Variants in ARID1B observed in about 807,000 individuals in gnomAD.
The protein encoded by ARID1B is AT-rich interactive domain-containing protein 1B.
In ARID1B, 30 loss-of-function variants were observed where a neutral mutation model predicts 212.3. The observed-to-expected ratio is 0.14, with a 90% CI of 0.11 to 0.19. The LOEUF (loss-of-function observed/expected upper bound fraction) is 0.19, where lower values mean the gene tolerates loss of function less well. Ranked by LOEUF, ARID1B falls within the 10% of genes least tolerant of loss-of-function variation. The probability of loss-of-function intolerance (pLI) is 1.00; values close to 1 mark genes in which losing one functional copy is unlikely to be tolerated. For synonymous variants in ARID1B, 1,402 were observed against 1,301.7 expected, an observed-to-expected ratio of 1.08 and a Z score of -1.66; for missense variants, 2,891 against 3,204.0, an observed-to-expected ratio of 0.90 and a Z score of 2.36.
chr6:156,940,944 T>C (rs1368032179), intron 4 of ARID1B: 1 of 152,228 alleles, frequency 6.6e-6, no homozygotes, highest in Non-Finnish European at 1.5e-5. Flanking sequence ...ATTAGGTGTA[T>C]GGCTATTGAA....
intron 2 of ARID1B, among the ~76,000 whole-genome samples, chr6:156,841,388 T>C (rs1297463839): frequency 6.6e-6 from 1 of 152,204 alleles, no homozygotes; most frequent in African/African-American, 2.4e-5. Flanking sequence ...TTAAAAATCA[T>C]CCCTGTGTGC....
At chr6:156,964,005 C>T (rs1184608066) in intron 4 of ARID1B, among the ~76,000 whole-genome samples, 1 of 152,246 alleles carries the variant, frequency 6.6e-6, no homozygotes, top group Non-Finnish European at 1.5e-5. Flanking sequence ...AGAAATTCTT[C>T]TCCACTGCTC....
At chr6:157,047,270 G>A (rs1321022003) in intron 4 of ARID1B, among the ~76,000 whole-genome samples, 1 of 152,192 alleles carries the variant, frequency 6.6e-6, no homozygotes, top group East Asian at 1.9e-4. Flanking sequence ...TGTTTGTGGA[G>A]CTTAACTGAC....
Position 157,039,923 on chromosome 6 carries a change from T to TTTTC in ARID1B, c.2248-44723_2248-44720dup, listed in dbSNP as rs1326417681. 2.7e-3 allele frequency among the ~76,000 whole-genome samples: 322 copies of TTTTC among 120,192 alleles called. 2 individuals carry two copies. Among genetic ancestry groups the TTTTC allele is most frequent in the African/African-American group, 9.5e-3 (301 of 31,814 alleles). The allele number at this position is 120,192 out of a possible 152,430, so 78.9% of individuals were successfully genotyped here. On this transcript the variant is annotated intron_variant, in intron 4 of 19. Coordinates refer to ENST00000636930, the MANE Select transcript of ARID1B (RefSeq NM_001374828.1). ...CCTTCCTTCCTTCCTTCCTTCTTTC[T>TTTTC]TTTCTTTCTTTCTTTCTTTTTTCTG...
At chr6:156,969,824 A>G (rs1023844412) in intron 4 of ARID1B, among the ~76,000 whole-genome samples, 4 of 152,002 alleles carry the variant, frequency 2.6e-5, no homozygotes, top group Admixed American at 1.3e-4. Flanking sequence ...GACACTGTCT[A>G]GTAACTTAGA....
intron 3 of ARID1B, among the ~76,000 whole-genome samples, chr6:156,931,487 C>T (rs577996294): frequency 5.3e-5 from 8 of 152,142 alleles, no homozygotes; most frequent in Admixed American, 3.3e-4. Flanking sequence ...TCAAGTACCT[C>T]GCAAAGGGAA....
intron 4 of ARID1B, among the ~76,000 whole-genome samples, chr6:156,970,227 C>G (rs1249518107): frequency 1.3e-5 from 2 of 151,732 alleles, no homozygotes; most frequent in Non-Finnish European, 2.9e-5. Context: ...ATTACAGGCG[C>G]CCACCACCAT....
chr6:156,987,001 A>G (rs538878730), intron 4 of ARID1B, among the ~76,000 whole-genome samples: 1 of 152,136 alleles, frequency 6.6e-6, no homozygotes, highest in Non-Finnish European at 1.5e-5. Flanking sequence ...CAACATAGCA[A>G]GACCCTCATC....
intron 7 of ARID1B, among the ~76,000 whole-genome samples, chr6:157,134,032 GAT>G (rs1420365085): frequency 6.6e-6 from 1 of 152,166 alleles, no homozygotes. Context: ...GAGAGAATGA[GAT>G]AATCTGGCAC....
intron 3 of ARID1B, among the ~76,000 whole-genome samples, chr6:156,908,051 T>A (rs1789552305): frequency 6.6e-6 from 1 of 152,168 alleles, no homozygotes; most frequent in South Asian, 2.1e-4. Flanking sequence ...TTACCTTTTG[T>A]CTTACCCCTG....
At position 156,933,939 on chromosome 6, in the gene ARID1B, A is replaced by G. The variant is rs150772590; in HGVS notation, c.2137-1527A>G. On this transcript the variant is annotated intron_variant, in intron 3 of 19. Coordinates refer to ENST00000636930, the MANE Select transcript of ARID1B (RefSeq NM_001374828.1). Reference sequence around the variant, plus strand: ...GCTTGTGTACTTGGTGGTACCAGCTATTGCTCCAAAGTTTCCTGGCTTAAG... The same window carrying G: ...GCTTGTGTACTTGGTGGTACCAGCTGTTGCTCCAAAGTTTCCTGGCTTAAG... Among the ~76,000 whole-genome samples, 288 of 152,308 alleles carry G rather than the reference A, an allele frequency of 1.9e-3. 1 individual carries two copies. The highest frequency in any genetic ancestry group is 6.5e-3 in the African/African-American group (270 of 41,566).
intron 3 of ARID1B, among the ~76,000 whole-genome samples, chr6:156,913,277 C>T (rs1344334195): frequency 2.8e-5 from 4 of 145,286 alleles, no homozygotes; most frequent in Admixed American, 7.0e-5. Flanking sequence ...AGTGCAGTGG[C>T]GCGATCTGGG....
At chr6:156,852,138 C>A (rs895285792) in intron 2 of ARID1B, among the ~76,000 whole-genome samples, 6 of 151,898 alleles carry the variant, frequency 4.0e-5, no homozygotes, top group African/African-American at 1.5e-4. Context: ...GTGTTTAAGT[C>A]TCTTTTGACT....
intron 1 of ARID1B, among the ~76,000 whole-genome samples, chr6:156,809,328 G>A (rs931130972): frequency 5.3e-5 from 8 of 152,128 alleles, no homozygotes; most frequent in Admixed American, 5.2e-4. Flanking sequence ...ATGGGATATT[G>A]ACATTTTACG....
chr6:157,090,640 T>C lies in ARID1B; in HGVS notation c.2491+5735T>C, dbSNP rs114224699. Among the ~76,000 whole-genome samples, 193 of 152,376 alleles carry C rather than the reference T, an allele frequency of 1.3e-3. 1 individual carries two copies. Among genetic ancestry groups the C allele is most frequent in the African/African-American group, 4.3e-3 (180 of 41,596 alleles). On this transcript the variant is annotated intron_variant, in intron 5 of 19. Coordinates refer to ENST00000636930, the MANE Select transcript of ARID1B (RefSeq NM_001374828.1). Reference sequence around the variant, plus strand: ...TAGACAGAAACAAAATAGAGTTGCATCAAATATGAAAGTAGAACCCTTTTT... The same window carrying C: ...TAGACAGAAACAAAATAGAGTTGCACCAAATATGAAAGTAGAACCCTTTTT...
intron 1 of ARID1B, among the ~76,000 whole-genome samples, chr6:156,824,928 G>A (rs1207191574): frequency 2.0e-5 from 3 of 151,480 alleles, no homozygotes; most frequent in Admixed American, 1.3e-4. Flanking sequence ...GCAGTGGCAC[G>A]ATCTTGGCTC....
chr6:157,152,985 T>G (rs1790314621), intron 8 of ARID1B, among the ~76,000 whole-genome samples: 1 of 152,092 alleles, frequency 6.6e-6, no homozygotes, highest in Non-Finnish European at 1.5e-5. Flanking sequence ...CGTGAGTGAG[T>G]GTGTGTCTGC....
intron 4 of ARID1B, among the ~76,000 whole-genome samples, chr6:157,020,895 TAGAAACGA>T (rs1444423426): frequency 1.3e-5 from 2 of 152,250 alleles, no homozygotes; most frequent in Non-Finnish European, 2.9e-5. Flanking sequence ...AACTTATGGC[TAGAAACGA>T]TACATTCTTA....
At chr6:156,995,294 A>G (rs1409194384) in intron 4 of ARID1B, among the ~76,000 whole-genome samples, 2 of 152,238 alleles carry the variant, frequency 1.3e-5, no homozygotes, top group Non-Finnish European at 2.9e-5. Flanking sequence ...GAAAGGTACA[A>G]AAGGAGCCAA....
Sources: allele counts gnomAD v4.1 joint callset (sites outside exome capture counted in the v4.1 genomes callset), GRCh38; gene constraint gnomAD v4.1.1; transcripts MANE v1.5; gene names NCBI Gene and HGNC (gene_info 2026-07-23, HGNC 2026-07-21).